Variants in MCF2L observed in about 807,000 individuals in gnomAD.
MCF2L encodes MCF.2 cell line derived transforming sequence like.
A neutral mutation model predicts 153.4 loss-of-function variants in MCF2L; 97 were observed. The ratio of observed to expected loss-of-function variants is 0.63; its 90% CI spans 0.54 to 0.75. The LOEUF is 0.75. Ranked by LOEUF, MCF2L falls within the 30% of genes least tolerant of loss-of-function variation. MCF2L has a pLI of 0.00. For synonymous variants in MCF2L, 659 were observed against 632.2 expected, an observed-to-expected ratio of 1.04 and a Z score of -0.64; for missense variants, 1,347 against 1,495.2, an observed-to-expected ratio of 0.90 and a Z score of 1.64.
At chr13:112,902,264 C>T (rs772586901) in exon 2 of MCF2L, 2 of 1,612,722 alleles carry the variant, frequency 1.2e-6, no homozygotes, top group African/African-American at 1.3e-5. Context: ...TATTCTTCCC[C>T]ACAACGGCCC....
chr13:113,089,680 G>C lies in MCF2L; in HGVS notation c.2905G>C (p.Gly969Arg). 1 of 1,613,956 alleles carries C rather than the reference G, an allele frequency of 6.2e-7. No individual in the cohort carries two copies. Among genetic ancestry groups the C allele is most frequent in the Non-Finnish European group, 8.5e-7 (1 of 1,180,022 alleles). Residue 969 changes from glycine (G) to arginine (R), a missense_variant, in exon 26 of 30, where the codon GGA (glycine) becomes CGA (arginine). By Grantham distance (125) the Gly-to-Arg change is moderately radical. Coordinates refer to ENST00000535094, the MANE Select transcript of MCF2L (RefSeq NM_001112732.3). ...ERKTDPLSLE[G>R]YVSSAPLTKP... ...GAAAACAGACCCCCTAAGCCTGGAGGGATACGTCAGCTCAGCGCCACTGAC... is the reference window on the plus strand; with the variant it reads ...GAAAACAGACCCCCTAAGCCTGGAGCGATACGTCAGCTCAGCGCCACTGAC...
rs1403286445 is a variant in MCF2L, at chr13:113,027,865, G to A, written c.278+3107G>A. ...ACATGGCCGTACCCCGAGGACGTAG[G>A]CTCCAGGTGTGCTGTGGCCAGAGGG... On this transcript the variant is annotated intron_variant, in intron 3 of 29. Transcript: ENST00000535094. The surrounding 1 kb of genome is among the most constrained non-coding windows in gnomAD (Gnocchi z 4.8). 6.6e-6 allele frequency among the ~76,000 whole-genome samples: 1 copy of A among 152,234 alleles called. No individual in the cohort carries two copies. The highest frequency in any genetic ancestry group is 1.9e-4 in the East Asian group (1 of 5,196).
intron 1 of MCF2L, chr13:113,001,981 C>CAGGT (rs767372017): frequency 2.0e-5 from 31 of 1,583,154 alleles, no homozygotes; most frequent in Admixed American, 5.1e-5. Flanking sequence ...AAGGCCGGCG[C>CAGGT]AGGTGCGTGG....
At chr13:112,913,550 C>T (rs1433348871) in intron 2 of MCF2L, among the ~76,000 whole-genome samples, 5 of 152,106 alleles carry the variant, frequency 3.3e-5, no homozygotes, top group Admixed American at 1.3e-4. Flanking sequence ...TAAAATGCCT[C>T]GGTGTGAGAG....
chr13:113,008,240 G>T (rs748702268), intron 1 of MCF2L, among the ~76,000 whole-genome samples: 1 of 152,214 alleles, frequency 6.6e-6, no homozygotes, highest in Non-Finnish European at 1.5e-5. Context: ...CTTTTTGGCA[G>T]TGTGAAGAAT....
At position 112,907,191 on chromosome 13, in the gene MCF2L, C is replaced by T. The variant is rs2081181507; in HGVS notation, c.169+4820C>T. Reference sequence around the variant, plus strand: ...CACGCGGGAGGGTTGGGAAGCACTTCGGGAAGGACCAAGACTTGCCCCAGC... The same window carrying T: ...CACGCGGGAGGGTTGGGAAGCACTTTGGGAAGGACCAAGACTTGCCCCAGC... On this transcript the variant is annotated intron_variant, in intron 2 of 29. Transcript: ENST00000375608. This position sits in a 1 kb window ranked among gnomAD's most constrained non-coding sequence, Gnocchi z 5.1. Among the ~76,000 whole-genome samples, 1 of 152,226 alleles carries T rather than the reference C, an allele frequency of 6.6e-6. No individual in the cohort carries two copies. Among genetic ancestry groups the T allele is most frequent in the Non-Finnish European group, 1.5e-5 (1 of 68,024 alleles).
rs899211497 is a variant in MCF2L at position 113,028,973 on chromosome 13, A to AGTGTGGG, written c.278+4222_278+4228dup. 2.8e-5 allele frequency among the ~76,000 whole-genome samples: 4 copies of AGTGTGGG among 142,226 alleles called. No homozygotes were observed. The highest frequency in any genetic ancestry group is 4.5e-4 in the South Asian group (2 of 4,448). 93.3% of individuals were successfully genotyped at this position (142,226 alleles called of 152,430 possible). A position where few individuals can be genotyped will look rare whatever the true frequency, so the allele number is the denominator to read the frequency against. ...GACTATGTGAGGCATGTGTGGGGTG[A>AGTGTGGG]GTGTGGGGTGTGGTGTGTGGGGGGT... On this transcript the variant is annotated intron_variant, in intron 3 of 29. Coordinates refer to ENST00000535094, the MANE Select transcript of MCF2L (RefSeq NM_001112732.3). The surrounding 1 kb of genome is among the most constrained non-coding windows in gnomAD (Gnocchi z 5.4).
chr13:113,026,461 T>C (rs1291845660), intron 3 of MCF2L, among the ~76,000 whole-genome samples: 4 of 152,250 alleles, frequency 2.6e-5, no homozygotes, highest in Non-Finnish European at 5.9e-5. Context: ...CTGCCGTTTT[T>C]TCCTGGAGCT....
In MCF2L at chr13:112,981,576, G is replaced by A. The variant is rs138306547; in HGVS notation, c.79+12118G>A. ...CGAGCCCGTGGCATCTGGGTGGAGC[G>A]GCCTCCGCGGCACAGATCACCTGGG... On this transcript the variant is annotated intron_variant, in intron 1 of 29. Coordinates refer to ENST00000535094, the MANE Select transcript of MCF2L (RefSeq NM_001112732.3). 4.8e-3 allele frequency among the ~76,000 whole-genome samples: 733 copies of A among 152,322 alleles called. 8 individuals carry two copies. The highest frequency in any genetic ancestry group is 0.017 in the African/African-American group (701 of 41,566).
intron 2 of MCF2L, among the ~76,000 whole-genome samples, chr13:112,944,596 G>T (rs1222142222): frequency 6.9e-6 from 1 of 145,964 alleles, no homozygotes; most frequent in Non-Finnish European, 1.5e-5. Flanking sequence ...TTTTGAGACG[G>T]AGTCTCGCTC....
In MCF2L at chr13:113,084,653, G is replaced by A. The variant is rs1439658542; in HGVS notation, c.2062-239G>A. 45 of 571,526 alleles carry A rather than the reference G, an allele frequency of 7.9e-5. 2 individuals carry two copies. The South Asian group carries it at 9.2e-4, about 12-fold the overall frequency. 35.4% of individuals were successfully genotyped at this position (571,526 alleles called of 1,614,324 possible). A position where few individuals can be genotyped will look rare whatever the true frequency, so the allele number is the denominator to read the frequency against. On this transcript the variant is annotated intron_variant, in intron 18 of 29. Coordinates refer to ENST00000535094, the MANE Select transcript of MCF2L (RefSeq NM_001112732.3). ...GTCTCCACTCCACGCCTGTGCTCTG[G>A]GAAGTCAGGGGCTCTGGGACAGGGA...
chr13:113,000,291 A>T (rs1594571482), intron 1 of MCF2L, among the ~76,000 whole-genome samples: 1 of 152,148 alleles, frequency 6.6e-6, no homozygotes, highest in South Asian at 2.1e-4. Context: ...ACAGGGAAGG[A>T]TGGCTGGGCT....
chr13:112,983,262 G>A lies in MCF2L; in HGVS notation c.79+13804G>A, dbSNP rs1179593966. ...GGAAGCTCCAGTAAGATTCACCATG[G>A]GATTTTTCACCAGAAACTCCTAGAA... On this transcript the variant is annotated intron_variant, in intron 1 of 29. Transcript: ENST00000535094. This position sits in a 1 kb window ranked among gnomAD's most constrained non-coding sequence, Gnocchi z 4.0. Among the ~76,000 whole-genome samples, 2 of 152,134 alleles carry A rather than the reference G, an allele frequency of 1.3e-5. No homozygotes were observed. The highest frequency in any genetic ancestry group is 2.9e-5 in the Non-Finnish European group (2 of 67,996).
intron 8 of MCF2L, among the ~76,000 whole-genome samples, chr13:113,069,627 T>C (rs955096741): frequency 1.4e-4 from 21 of 151,790 alleles, no homozygotes; most frequent in Non-Finnish European, 2.7e-4. Flanking sequence ...ACCTGGGTGG[T>C]GCACAGCTGG....
intron 25 of MCF2L, among the ~76,000 whole-genome samples, chr13:113,089,166 C>T (rs2034937302): frequency 1.1e-5 from 1 of 87,560 alleles, no homozygotes; most frequent in African/African-American, 4.9e-5. Flanking sequence ...GAAACACTCC[C>T]CCGCCCCCCC....
chr13:112,902,356 A>G (rs767476517), exon 2 of MCF2L: 12 of 1,612,522 alleles, frequency 7.4e-6, no homozygotes, highest in Non-Finnish European at 1.0e-5. Flanking sequence ...ACCGGAGGCG[A>G]CGGCCATGGC....
At position 113,045,361 on chromosome 13, in the gene MCF2L, A is replaced by G; in HGVS notation, c.369A>G (p.Ala123=). 6.2e-7 allele frequency: 1 copy of G among 1,613,526 alleles called. No individual in the cohort carries two copies. Among genetic ancestry groups the G allele is most frequent in the East Asian group, 2.2e-5 (1 of 44,878 alleles). ...TGAAGGCGTCCGTCCTGCGCATCGC[A>G]GTAAGTGCCACCCGGGGCTCTGCCC... ...TSVKASVLRI[A]ASFPANLQLV... is the part of the protein sequence containing the mutation. The change falls in exon 4 of 30, where the codon GCA becomes GCG. Residue 123 remains alanine (A), a splice_region_variant and synonymous_variant. Coordinates refer to ENST00000535094, the MANE Select transcript of MCF2L (RefSeq NM_001112732.3). The surrounding 1 kb of genome is among the most constrained non-coding windows in gnomAD (Gnocchi z 4.2).
rs751225833 is a variant in MCF2L at position 113,094,972 on chromosome 13, C to T, written c.3075+337C>T. 5.8e-6 allele frequency: 8 copies of T among 1,381,588 alleles called. No homozygotes were observed. In the East Asian group the frequency reaches 3.4e-4, roughly 59 times the overall value. The allele number at this position is 1,381,588 out of a possible 1,614,324, so 85.6% of individuals were successfully genotyped here. On this transcript the variant is annotated intron_variant, in intron 27 of 29. Coordinates refer to ENST00000535094, the MANE Select transcript of MCF2L (RefSeq NM_001112732.3). ...GTGTTTCTGGGTTAATTTCCAGGTG[C>T]CCACCCAGCCTCCTGTAGAGCCCAC...
chr13:113,086,737 T>G (rs1227445471), intron 21 of MCF2L, among the ~76,000 whole-genome samples: 1 of 151,190 alleles, frequency 6.6e-6, no homozygotes, highest in Admixed American at 6.6e-5. Context: ...GCACTCATTC[T>G]CAGGTGTTTT....
Sources: gnomAD v4.1 joint callset for allele counts (sites outside exome capture counted in the v4.1 genomes callset) on GRCh38, gnomAD v4.1.1 for gene constraint, Gnocchi (gnomAD v3.1) non-coding constraint, MANE v1.5 for transcripts, NCBI Gene and HGNC (gene_info 2026-07-23, HGNC 2026-07-21) for gene names.